Variants in DNAH17 observed in about 807,000 individuals in gnomAD.
The protein encoded by DNAH17 is dynein axonemal heavy chain 17.
DNAH17 carries 376 observed loss-of-function variants against 485.6 expected under a neutral mutation model. That is an observed-to-expected ratio of 0.77 (90% CI 0.71 to 0.84). The LOEUF (loss-of-function observed/expected upper bound fraction) is 0.84, where lower values mean the gene tolerates loss of function less well. Among genes scored for constraint, DNAH17 ranks in the 40% least tolerant of loss-of-function variants. The pLI is 0.00. For synonymous variants in DNAH17, 3,031 were observed against 2,405.9 expected (o/e 1.26, Z -7.60); for missense variants, 6,370 against 5,839.3 (o/e 1.09, Z -2.96).
At chr17:78,501,419 C>T in intron 34 of DNAH17, 75 bp from the exon 35 acceptor site, 1 of 1,501,818 alleles carries the variant, frequency 6.7e-7, no homozygotes, top group Non-Finnish European at 8.9e-7. Flanking sequence ...GCCAGCATGC[C>T]TCCAAGGCCG....
intron 77 of DNAH17, 105 bp downstream of exon 77, chr17:78,428,420 C>A: frequency 7.3e-7 from 1 of 1,374,914 alleles, no homozygotes; most frequent in Non-Finnish European, 1.0e-6. Flanking sequence ...GCAGAGTGTA[C>A]CTCACCAGCA....
chr17:78,486,540 G>A lies in DNAH17; in HGVS notation c.6819-34C>T, dbSNP rs544423228. 42 of 1,570,362 alleles carry A rather than the reference G, an allele frequency of 2.7e-5. No individual in the cohort carries two copies. In the Middle Eastern group the frequency reaches 7.8e-4, roughly 29 times the overall value. On this transcript the variant is annotated intron_variant, in intron 44 of 80. Transcript: ENST00000389840. Reference sequence around the variant, plus strand: ...GACAGGAGGCGCCGATGACACAGCCGCTGCTCTGGGTCTGCCAGTGTCCCT... The same window carrying A: ...GACAGGAGGCGCCGATGACACAGCCACTGCTCTGGGTCTGCCAGTGTCCCT...
At chr17:78,496,054 C>T (rs374489330) in intron 37 of DNAH17, 22 bp from the exon 38 acceptor site, 20 of 1,602,294 alleles carry the variant, frequency 1.2e-5, no homozygotes, top group Non-Finnish European at 1.5e-5. Flanking sequence ...GTGACACAGA[C>T]ATGTTAGCAT....
intron 42 of DNAH17, among the ~76,000 whole-genome samples, chr17:78,491,844 G>C (rs377031007): frequency 6.6e-6 from 1 of 152,298 alleles, no homozygotes; most frequent in Admixed American, 6.5e-5. Flanking sequence ...GGCTGGCTCA[G>C]TTTTTCCAGG....
intron 48 of DNAH17, among the ~76,000 whole-genome samples, chr17:78,484,011 C>A (rs962576679): frequency 6.0e-5 from 8 of 133,594 alleles, no homozygotes; most frequent in Non-Finnish European, 7.8e-5. Context: ...AAGGAGAATT[C>A]CTTGAACCCA....
rs73999128 is a variant in DNAH17 at position 78,559,811 on chromosome 17, C to G, written c.2031+929G>C. 2.6e-3 allele frequency among the ~76,000 whole-genome samples: 400 copies of G among 152,204 alleles called. 2 individuals carry two copies. The highest frequency in any genetic ancestry group is 9.2e-3 in the African/African-American group (384 of 41,524). On this transcript the variant is annotated intron_variant, in intron 13 of 80. Coordinates refer to ENST00000389840, the MANE Select transcript of DNAH17 (RefSeq NM_173628.4). Reference sequence around the variant, plus strand: ...CTTCTCCTACGACCTTCCCCTTTGCCCATTCCCCCGCCCCACTGGCCTCCT... The same window carrying G: ...CTTCTCCTACGACCTTCCCCTTTGCGCATTCCCCCGCCCCACTGGCCTCCT...
At position 78,423,752 on chromosome 17, in the gene DNAH17, T is replaced by C; in HGVS notation, c.*154A>G. ...ACCTCTTCCACACCAACCTCCACCC[T>C]CTGGTTCCGATGTGCTTGGTTACAA... On this transcript the variant is annotated 3_prime_UTR_variant, in exon 81 of 81. Coordinates refer to ENST00000389840, the MANE Select transcript of DNAH17 (RefSeq NM_173628.4). 1 of 999,106 alleles carries C rather than the reference T, an allele frequency of 1.0e-6. No individual in the cohort carries two copies. The highest frequency in any genetic ancestry group is 1.6e-5 in the African/African-American group (1 of 62,036). 61.9% of individuals were successfully genotyped at this position (999,106 alleles called of 1,614,324 possible).
At chr17:78,551,728 T>G in intron 15 of DNAH17, 90 bp from the exon 16 acceptor site, 2 of 1,266,252 alleles carry the variant, frequency 1.6e-6, no homozygotes, top group South Asian at 2.5e-5. Context: ...CTTTGGGAGG[T>G]CAGGGCAGGC....
chr17:78,433,768 G>A (rs146378064), intron 75 of DNAH17, among the ~76,000 whole-genome samples: 8 of 152,230 alleles, frequency 5.3e-5, no homozygotes, highest in Non-Finnish European at 8.8e-5. Context: ...CCAAAAGCCG[G>A]CTCCTGCAGG....
Position 78,434,072 on chromosome 17 carries a change from A to G in DNAH17, c.12182T>C (p.Ile4061Thr), listed in dbSNP as rs1030062350. ...GTAGTTGTAGAGCACGTTGATGGAG[A>G]TGGTGAGGTCCCCGTTGTTGAAGGG... ...SYPFNNGDLTISINVLYNYLE... is the reference protein window; with the variant it reads ...SYPFNNGDLTTSINVLYNYLE... The change falls in exon 75 of 81, where the codon ATC (isoleucine) becomes ACC (threonine). Residue 4061 changes from isoleucine to threonine, a missense_variant. Ile to Thr is a moderately conservative substitution (Grantham distance 89, BLOSUM62 -1). Coordinates refer to ENST00000389840, the MANE Select transcript of DNAH17 (RefSeq NM_173628.4). The G allele has an allele frequency of 4.3e-6, 7 of 1,612,892 alleles. No individual in the cohort carries two copies. The African/African-American group carries it at 9.4e-5, about 22-fold the overall frequency.
At chr17:78,468,327 T>TCC (rs978944272) in intron 55 of DNAH17, among the ~76,000 whole-genome samples, 1 of 152,148 alleles carries the variant, frequency 6.6e-6, no homozygotes, top group Non-Finnish European at 1.5e-5. Context: ...TGAGCATCCA[T>TCC]CCCTCCGTGG....
At chr17:78,500,939 A>G (rs768002433) in intron 35 of DNAH17, 2 of 388,424 alleles carry the variant, frequency 5.1e-6, no homozygotes, top group Non-Finnish European at 9.1e-6. Context: ...TCTGCTCATG[A>G]GGGTCCATAA....
chr17:78,476,506 C>T (rs2089031740), intron 52 of DNAH17, 66 bp downstream of exon 52: 2 of 1,521,906 alleles, frequency 1.3e-6, no homozygotes, highest in African/African-American at 2.8e-5. Flanking sequence ...TTCTCATTGG[C>T]CGCCGACACT....
Position 78,425,414 on chromosome 17 carries a change from T to A in DNAH17, c.13073A>T (p.Lys4358Met), listed in dbSNP as rs1470811594. The A allele has an allele frequency of 6.2e-7, 1 of 1,613,908 alleles. No individual in the cohort carries two copies. The highest frequency in any genetic ancestry group is 8.5e-7 in the Non-Finnish European group (1 of 1,179,904). Residue 4358 changes from lysine to methionine, a missense_variant, in exon 80 of 81, where the codon AAG (lysine) becomes ATG (methionine). By Grantham distance (95) the Lys-to-Met change is moderately conservative. Coordinates refer to ENST00000389840, the MANE Select transcript of DNAH17 (RefSeq NM_173628.4). Reference protein sequence around the residue: ...DKMCLSVEVTKKNREDMTAPP... With the variant: ...DKMCLSVEVTMKNREDMTAPP... ...AGCGGTCATGTCCTCTCGGTTTTTC[T>A]TGGTCACCTCGACAGACAGACACAT...
At chr17:78,432,338 C>T (rs1347326123) in intron 75 of DNAH17, among the ~76,000 whole-genome samples, 4 of 152,150 alleles carry the variant, frequency 2.6e-5, no homozygotes, top group African/African-American at 9.7e-5. Flanking sequence ...TTTTCAGATC[C>T]GGGTCTTGTT....
In DNAH17 at chr17:78,553,783, A is replaced by G. The variant is rs564015745; in HGVS notation, c.2179-978T>C. On this transcript the variant is annotated intron_variant, in intron 14 of 80. Coordinates refer to ENST00000389840, the MANE Select transcript of DNAH17 (RefSeq NM_173628.4). ...ATGACTAATTAAGAATTAACTGTGT[A>G]TAGGTTGGTGTAAAAGTAATTGCCA... 4.6e-5 allele frequency among the ~76,000 whole-genome samples: 7 copies of G among 152,310 alleles called. No individual in the cohort carries two copies. The South Asian group carries it at 1.2e-3, about 27-fold the overall frequency.
At chr17:78,546,732 C>A (rs1227803061) in intron 16 of DNAH17, among the ~76,000 whole-genome samples, 1 of 152,064 alleles carries the variant, frequency 6.6e-6, no homozygotes, top group Admixed American at 6.6e-5. Context: ...ATGGTGAAAC[C>A]CCATCTCTAC....
chr17:78,485,506 C>A (rs780236923), intron 47 of DNAH17, 44 bp downstream of exon 47: 6 of 1,521,862 alleles, frequency 3.9e-6, no homozygotes, highest in Non-Finnish European at 4.4e-6. Flanking sequence ...CGGGGACTGG[C>A]GGGGGGCAGC....
intron 10 of DNAH17, 35 bp from the exon 11 acceptor site, chr17:78,566,765 G>T (rs2092273705): frequency 1.3e-6 from 2 of 1,528,990 alleles, no homozygotes; most frequent in Middle Eastern, 1.7e-4. Context: ...CTTGTAATCA[G>T]CGTGCAAAGC....
Sources: gnomAD v4.1 joint callset for allele counts (sites outside exome capture counted in the v4.1 genomes callset) on GRCh38, gnomAD v4.1.1 for gene constraint, MANE v1.5 for transcripts, NCBI Gene and HGNC (gene_info 2026-07-23, HGNC 2026-07-21) for gene names.